The following BTLA variants were observed in gnomAD, a reference collection of about 807,000 sequenced individuals.
BTLA encodes B and T lymphocyte associated, also known as B- and T-lymphocyte attenuator.
A neutral mutation model predicts 25.0 loss-of-function variants in BTLA; 11 were observed. That is an observed-to-expected ratio of 0.44 (90% CI 0.28 to 0.73). The LOEUF (loss-of-function observed/expected upper bound fraction) is 0.73, where lower values mean the gene tolerates loss of function less well. BTLA is among the 30% of genes least tolerant of loss of function. The pLI, the probability that BTLA is intolerant of heterozygous loss-of-function variation, is 0.15. For synonymous variants in BTLA, 104 were observed against 119.8 expected, an observed-to-expected ratio of 0.87 and a Z score of 0.86; for missense variants, 282 against 332.8, an observed-to-expected ratio of 0.85 and a Z score of 1.19.
Position 112,479,704 on chromosome 3 carries a change from C to A in BTLA, c.154G>T (p.Asp52Tyr). 6.2e-7 allele frequency: 1 copy of A among 1,614,032 alleles called. No individual in the cohort carries two copies. ...RQSEHSILAG[D>Y]PFELECPVKY... ...ACAGGGCATTCTAGTTCAAAGGGAT[C>A]TCCTGCTAAGATGGAGTGTTCAGAT... Residue 52 changes from aspartate (D) to tyrosine (Y), a missense_variant, in exon 2 of 5, where the codon GAT (aspartate) becomes TAT (tyrosine). By Grantham distance (160) the Asp-to-Tyr change is radical. Transcript: ENST00000334529.
chr3:112,466,044 G>T lies in BTLA; in HGVS notation c.*64C>A. 7.0e-7 allele frequency: 1 copy of T among 1,435,880 alleles called. No individual in the cohort carries two copies. The highest frequency in any genetic ancestry group is 9.3e-7 in the Non-Finnish European group (1 of 1,070,652). 88.9% of individuals were successfully genotyped at this position (1,435,880 alleles called of 1,614,324 possible). On this transcript the variant is annotated 3_prime_UTR_variant, in exon 5 of 5. Transcript: ENST00000334529. The stretch of plus-strand genomic sequence containing the variant: ...GAGAAATATTATTTGACATCCTGTT[G>T]AGCCCAGACAATGATGTCAACATGC...
chr3:112,478,175 G>C (rs1384931271), intron 2 of BTLA, among the ~76,000 whole-genome samples: 2 of 151,966 alleles, frequency 1.3e-5, no homozygotes, highest in African/African-American at 4.8e-5. Context: ...AAAGCTGTTA[G>C]GATTTTAGTG....
rs913207227 is a variant in BTLA at position 112,464,365 on chromosome 3, C to G, written c.*1743G>C. On this transcript the variant is annotated 3_prime_UTR_variant, in exon 5 of 5. Coordinates refer to ENST00000334529, the MANE Select transcript of BTLA (RefSeq NM_181780.4). ...TTCGTGTGTTCATCTGATAAGAGGA[C>G]AGCTAAATGTATCCTCCCCATATTT... 5.7e-5 allele frequency: 22 copies of G among 382,622 alleles called. No homozygotes were observed. The Admixed American group carries it at 6.8e-4, about 12-fold the overall frequency. The allele number at this position is 382,622 out of a possible 1,614,324, so 23.7% of individuals were successfully genotyped here.
chr3:112,488,502 G>T (rs1012442305), intron 1 of BTLA, among the ~76,000 whole-genome samples: 1 of 150,144 alleles, frequency 6.7e-6, no homozygotes, highest in Non-Finnish European at 1.5e-5. Flanking sequence ...GATTACAGGC[G>T]TGAGCCACCG....
Position 112,464,936 on chromosome 3 carries a change from T to G in BTLA, c.*1172A>C, listed in dbSNP as rs548054955. The G allele has an allele frequency of 6.6e-6, 1 of 152,316 alleles. No individual in the cohort carries two copies. The highest frequency in any genetic ancestry group is 1.9e-4 in the East Asian group (1 of 5,186). The allele number at this position is 152,316 out of a possible 1,614,324, so 9.4% of individuals were successfully genotyped here. A position where few individuals can be genotyped will look rare whatever the true frequency, so the allele number is the denominator to read the frequency against. ...TATTACATTATTCAGTAGCAGCACC[T>G]GAGAATTCGAATAGCCTCAAACTGT... is the stretch of plus-strand genomic sequence containing the variant. On this transcript the variant is annotated 3_prime_UTR_variant, in exon 5 of 5. Transcript: ENST00000334529.
At chr3:112,496,917 G>A (rs557822500) in intron 1 of BTLA, among the ~76,000 whole-genome samples, 21 of 152,144 alleles carry the variant, frequency 1.4e-4, no homozygotes, top group African/African-American at 4.8e-4. Context: ...TAGTAGAGAC[G>A]GGGTTTCACC....
At chr3:112,497,462 A>C (rs564189887) in intron 1 of BTLA, among the ~76,000 whole-genome samples, 1 of 152,302 alleles carries the variant, frequency 6.6e-6, no homozygotes, top group African/African-American at 2.4e-5. Context: ...CATTGGGAGA[A>C]ATAAAGGTCT....
intron 1 of BTLA, among the ~76,000 whole-genome samples, chr3:112,490,604 A>AACAC (rs55894234): frequency 0.039 from 5,605 of 142,290 alleles, 145 homozygotes; most frequent in Admixed American, 0.08. Context: ...TCCCTGGGTA[A>AACAC]ACACACACAC....
At position 112,476,125 on chromosome 3, in the gene BTLA, G is replaced by GAGCAAAGATGTTTA. The variant is rs2082287266; in HGVS notation, c.403+3316_403+3329dup. 2.6e-5 allele frequency among the ~76,000 whole-genome samples: 4 copies of GAGCAAAGATGTTTA among 152,298 alleles called. No homozygotes were observed. The South Asian group carries it at 8.3e-4, about 32-fold the overall frequency. ...CAGGTACCCTGCCATCCATCATACA[G>GAGCAAAGATGTTTA]AGCAAAGATGTTTAAGACACAGCTT... On this transcript the variant is annotated intron_variant, in intron 2 of 4. Transcript: ENST00000334529.
intron 1 of BTLA, 88 bp from the exon 2 acceptor site, chr3:112,479,857 G>A: frequency 1.7e-6 from 2 of 1,177,842 alleles, no homozygotes; most frequent in Non-Finnish European, 2.3e-6. Context: ...AGCATTATTT[G>A]GTAATTTTCA....
At chr3:112,487,678 A>G (rs898395907) in intron 1 of BTLA, among the ~76,000 whole-genome samples, 5 of 152,160 alleles carry the variant, frequency 3.3e-5, no homozygotes, top group African/African-American at 1.2e-4. Context: ...TGGATATCCC[A>G]CTGTCCTTGA....
chr3:112,467,420 A>G (rs924016972), intron 4 of BTLA, among the ~76,000 whole-genome samples: 6 of 152,148 alleles, frequency 3.9e-5, no homozygotes, highest in African/African-American at 1.4e-4. Context: ...GACAAAGAAG[A>G]TGTGTTCATT....
In BTLA at chr3:112,469,799, G is replaced by C. The variant is rs747190789; in HGVS notation, c.553C>G (p.Gln185Glu). Residue 185 changes from glutamine to glutamate, a missense_variant, in exon 4 of 5, where the codon CAA becomes GAA. Gln to Glu is a conservative substitution (Grantham distance 29). Coordinates refer to ENST00000334529, the MANE Select transcript of BTLA (RefSeq NM_181780.4). The part of the protein sequence containing the change: ...FCCLRRHQGK[Q>E]NELSDTAGRE... ...CCTGCTGTGTCAGAGAGTTCATTTT[G>C]CTTTCCTGGAAGACAAAAAGAAAAA... is the stretch of plus-strand genomic sequence containing the variant. 2.4e-5 allele frequency: 38 copies of C among 1,609,322 alleles called. No homozygotes were observed. Among genetic ancestry groups the C allele is most frequent in the Non-Finnish European group, 3.1e-5 (36 of 1,178,858 alleles).
chr3:112,483,598 G>T (rs1164504277), intron 1 of BTLA, among the ~76,000 whole-genome samples: 2 of 152,188 alleles, frequency 1.3e-5, no homozygotes, highest in Non-Finnish European at 2.9e-5. Flanking sequence ...TAGGATGTCT[G>T]CATTTGTGGA....
At chr3:112,479,132 G>T (rs184862315) in intron 2 of BTLA, among the ~76,000 whole-genome samples, 2 of 151,386 alleles carry the variant, frequency 1.3e-5, no homozygotes, top group Non-Finnish European at 2.9e-5. Context: ...AGAGCTATTC[G>T]CAACTATAGG....
intron 4 of BTLA, 84 bp from the exon 5 acceptor site, chr3:112,466,467 T>A: frequency 7.9e-7 from 1 of 1,264,410 alleles, no homozygotes; most frequent in Non-Finnish European, 1.1e-6. Flanking sequence ...ATGAAAAGCT[T>A]AAATGGAGTC....
chr3:112,483,305 C>T (rs564105844), intron 1 of BTLA, among the ~76,000 whole-genome samples: 19 of 151,928 alleles, frequency 1.3e-4, no homozygotes, highest in African/African-American at 2.9e-4. Flanking sequence ...CCCACCACCA[C>T]GCCCAGCTGA....
At chr3:112,484,349 G>A (rs1166551859) in intron 1 of BTLA, among the ~76,000 whole-genome samples, 3 of 152,272 alleles carry the variant, frequency 2.0e-5, no homozygotes, top group Admixed American at 6.5e-5. Flanking sequence ...TAAAGGGCAC[G>A]GAAATAGCTA....
chr3:112,471,335 G>C lies in BTLA; in HGVS notation c.424C>G (p.Arg142Gly). Residue 142 changes from arginine to glycine, a missense_variant, in exon 3 of 5, where the codon CGA becomes GGA. Physicochemically the swap from Arg to Gly is moderately radical, Grantham distance 125. This residue lies in a region of BTLA where 163 missense variants were observed against 230.4 expected (regional missense o/e 0.71). Coordinates refer to ENST00000334529, the MANE Select transcript of BTLA (RefSeq NM_181780.4). The stretch of plus-strand genomic sequence containing the variant: ...CTTGCCATTTCGTCCTTGGAGGGTC[G>C]TTCTGAGGCACTTTTTACATCTGGA... The part of the protein sequence containing the change: ...YVTDVKSASE[R>G]PSKDEMASRP... 6.2e-7 allele frequency: 1 copy of C among 1,613,686 alleles called. No homozygotes were observed. Among genetic ancestry groups the C allele is most frequent in the Non-Finnish European group, 8.5e-7 (1 of 1,179,790 alleles).
Sources: allele counts gnomAD v4.1 joint callset (sites outside exome capture counted in the v4.1 genomes callset), GRCh38; gene constraint gnomAD v4.1.1; regional missense constraint gnomAD v4.1.1; transcripts MANE v1.5; gene names NCBI Gene and HGNC (gene_info 2026-07-23, HGNC 2026-07-21).